SGCZ: variants seen among roughly 807,000 people sequenced by gnomAD.
The protein encoded by SGCZ is zeta-sarcoglycan.
A neutral mutation model predicts 41.3 loss-of-function variants in SGCZ; 40 were observed. The observed-to-expected ratio is 0.97, with a 90% CI of 0.75 to 1.26. The LOEUF (loss-of-function observed/expected upper bound fraction) is 1.26. SGCZ is among the 50% of genes most tolerant of loss of function. The pLI, the probability that SGCZ is intolerant of heterozygous loss-of-function variation, is 0.00. For missense variants in SGCZ, 552 were observed against 369.8 expected (o/e 1.49, Z -4.04); for synonymous variants, 206 against 137.5 (o/e 1.50, Z -3.49).
intron 4 of SGCZ, among the ~76,000 whole-genome samples, chr8:14,176,012 T>C (rs1368399884): frequency 2.0e-5 from 3 of 152,110 alleles, no homozygotes; most frequent in Admixed American, 2.0e-4. Context: ...ATTTCAAATT[T>C]TGCATCATTA....
chr8:14,563,311 GGAA>G (rs1293743441), intron 1 of SGCZ, among the ~76,000 whole-genome samples: 7 of 152,268 alleles, frequency 4.6e-5, no homozygotes, highest in African/African-American at 1.7e-4. Flanking sequence ...AAATGGAAGT[GGAA>G]GAAGGAGGGC....
At chr8:14,204,691 C>T (rs909052462) in intron 4 of SGCZ, among the ~76,000 whole-genome samples, 2 of 152,074 alleles carry the variant, frequency 1.3e-5, no homozygotes, top group African/African-American at 2.4e-5. Flanking sequence ...CTGGGTAGAA[C>T]AAAAAGTTAG....
At chr8:14,366,346 C>A (rs558387727) in intron 2 of SGCZ, among the ~76,000 whole-genome samples, 4 of 152,112 alleles carry the variant, frequency 2.6e-5, no homozygotes, top group Non-Finnish European at 4.4e-5. Flanking sequence ...TGTGTAAGCA[C>A]AGGAAAAACT....
Position 14,090,392 on chromosome 8 carries a change from C to T in SGCZ, c.*51G>A, listed in dbSNP as rs754505381. On this transcript the variant is annotated 3_prime_UTR_variant, in exon 8 of 8. Transcript: ENST00000382080. Reference sequence around the variant, plus strand: ...AGGGAAACCGAGCAGAACTGTGAAGCAGACGGACAGGAACAAAAGGCTATT... The same window carrying T: ...AGGGAAACCGAGCAGAACTGTGAAGTAGACGGACAGGAACAAAAGGCTATT... 15 of 1,566,550 alleles carry T rather than the reference C, an allele frequency of 9.6e-6. No individual in the cohort carries two copies. Among genetic ancestry groups the T allele is most frequent in the South Asian group, 1.2e-5 (1 of 83,734 alleles).
At chr8:14,961,413 C>A (rs1239519558) in intron 1 of SGCZ, among the ~76,000 whole-genome samples, 2 of 152,098 alleles carry the variant, frequency 1.3e-5, no homozygotes, top group African/African-American at 4.8e-5. Flanking sequence ...ACAGTAGATT[C>A]TCATGGTCCA....
chr8:14,989,478 C>A (rs1347170619), intron 1 of SGCZ, among the ~76,000 whole-genome samples: 1 of 151,990 alleles, frequency 6.6e-6, no homozygotes, highest in Non-Finnish European at 1.5e-5. Flanking sequence ...AAAGCAAGAC[C>A]AGTCCTCTAA....
chr8:15,178,203 T>C (rs1225441730), intron 1 of SGCZ, among the ~76,000 whole-genome samples: 1 of 152,168 alleles, frequency 6.6e-6, no homozygotes, highest in African/African-American at 2.4e-5. Flanking sequence ...ATTTCTTTTT[T>C]TGTTTTTTTC....
At chr8:14,877,231 C>G (rs1218950996) in intron 1 of SGCZ, among the ~76,000 whole-genome samples, 1 of 152,126 alleles carries the variant, frequency 6.6e-6, no homozygotes, top group Non-Finnish European at 1.5e-5. Flanking sequence ...CTTAGCCTCT[C>G]AAAGTGCTGG....
intron 3 of SGCZ, among the ~76,000 whole-genome samples, chr8:14,251,189 C>T (rs1330059022): frequency 6.6e-6 from 1 of 152,114 alleles, no homozygotes; most frequent in Non-Finnish European, 1.5e-5. Context: ...GATAGTGCCA[C>T]TGTACTCCAG....
At chr8:14,224,767 A>G (rs1002909654) in intron 4 of SGCZ, among the ~76,000 whole-genome samples, 5 of 152,136 alleles carry the variant, frequency 3.3e-5, no homozygotes, top group Non-Finnish European at 5.9e-5. Flanking sequence ...TTAAGATCAT[A>G]TTCATCATTA....
At chr8:14,289,349 C>T (rs888769103) in intron 3 of SGCZ, among the ~76,000 whole-genome samples, 1 of 151,694 alleles carries the variant, frequency 6.6e-6, no homozygotes, top group Non-Finnish European at 1.5e-5. Flanking sequence ...ATTGTCAAAT[C>T]CAAAGTTATG....
chr8:14,527,402 A>C (rs1346373153), intron 2 of SGCZ, among the ~76,000 whole-genome samples: 1 of 152,160 alleles, frequency 6.6e-6, no homozygotes, highest in East Asian at 1.9e-4. Flanking sequence ...CCTGGGCTCA[A>C]GCAGTCCTTC....
intron 1 of SGCZ, among the ~76,000 whole-genome samples, chr8:14,987,433 T>C (rs1801860492): frequency 6.6e-6 from 1 of 152,020 alleles, no homozygotes; most frequent in African/African-American, 2.4e-5. Flanking sequence ...TTTTATAGTA[T>C]CAGTTTTTCA....
intron 1 of SGCZ, among the ~76,000 whole-genome samples, chr8:14,843,744 T>C (rs1440523152): frequency 6.6e-6 from 1 of 152,060 alleles, no homozygotes; most frequent in Non-Finnish European, 1.5e-5. Flanking sequence ...TATAAAACAC[T>C]GCCAAGAACT....
At chr8:14,228,659 C>A (rs1806456930) in intron 4 of SGCZ, among the ~76,000 whole-genome samples, 1 of 151,764 alleles carries the variant, frequency 6.6e-6, no homozygotes, top group Non-Finnish European at 1.5e-5. Flanking sequence ...ATGGGGGCGG[C>A]CTAAGTAGTG....
At chr8:14,466,079 A>C (rs2116965635) in intron 2 of SGCZ, among the ~76,000 whole-genome samples, 1 of 152,070 alleles carries the variant, frequency 6.6e-6, no homozygotes, top group African/African-American at 2.4e-5. Context: ...TACGGCTTTA[A>C]GTTACTGTCC....
chr8:14,302,268 A>G (rs1176608601), intron 3 of SGCZ, among the ~76,000 whole-genome samples: 3 of 152,168 alleles, frequency 2.0e-5, no homozygotes, highest in East Asian at 3.8e-4. Flanking sequence ...CTGCAAAAAC[A>G]CTGGATATTT....
chr8:14,589,932 G>A (rs1183666719), intron 1 of SGCZ, among the ~76,000 whole-genome samples: 1 of 152,094 alleles, frequency 6.6e-6, no homozygotes, highest in Non-Finnish European at 1.5e-5. Flanking sequence ...ATTGACTCCT[G>A]TAATTCCTTT....
intron 2 of SGCZ, among the ~76,000 whole-genome samples, chr8:14,408,946 TAA>T (rs1799282876): frequency 7.8e-6 from 1 of 128,598 alleles, no homozygotes; most frequent in African/African-American, 3.8e-5. Flanking sequence ...ATTTTTAAAT[TAA>T]GAGAGTGTGT....
Sources: allele counts gnomAD v4.1 joint callset (sites outside exome capture counted in the v4.1 genomes callset), GRCh38; gene constraint gnomAD v4.1.1; transcripts MANE v1.5; gene names NCBI Gene and HGNC (gene_info 2026-07-23, HGNC 2026-07-21).